RIMS3: variants seen among roughly 807,000 people sequenced by gnomAD.
The protein encoded by RIMS3 is regulating synaptic membrane exocytosis protein 3.
A neutral mutation model predicts 29.2 loss-of-function variants in RIMS3; 15 were observed. That is an observed-to-expected ratio of 0.51 (90% CI 0.34 to 0.79). The LOEUF (loss-of-function observed/expected upper bound fraction) is 0.79, where lower values mean the gene tolerates loss of function less well. Among genes scored for constraint, RIMS3 ranks in the 30% least tolerant of loss-of-function variants. RIMS3 has a pLI of 0.01. For synonymous variants in RIMS3, 161 were observed against 170.1 expected (o/e 0.95, Z 0.41); for missense variants, 342 against 421.4 (o/e 0.81, Z 1.65).
chr1:40,683,050 TTC>T, the RIMS3 span, among the ~76,000 whole-genome samples: 1 of 152,082 alleles, frequency 6.6e-6, no homozygotes, highest in Non-Finnish European at 1.5e-5. Context: ...TTTTGTCTCT[TTC>T]TCTCTTTGTG....
chr1:40,644,259 A>C (rs533776344), intron 2 of RIMS3, among the ~76,000 whole-genome samples: 40 of 152,348 alleles, frequency 2.6e-4, no homozygotes, highest in African/African-American at 9.6e-4. Context: ...AGCCAGTTTG[A>C]ATCAGAGTTC....
At chr1:40,681,809 G>C in the RIMS3 span, among the ~76,000 whole-genome samples, 4 of 152,272 alleles carry the variant, frequency 2.6e-5, no homozygotes, top group Admixed American at 6.5e-5. Flanking sequence ...TCTCAATACA[G>C]GGTTTTCTCC....
chr1:40,657,224 G>C (rs1379200408), intron 1 of RIMS3, among the ~76,000 whole-genome samples: 2 of 152,130 alleles, frequency 1.3e-5, no homozygotes, highest in African/African-American at 4.8e-5. Flanking sequence ...GAGACTTGAC[G>C]TCCACCCAGA....
Position 40,636,892 on chromosome 1 carries a change from A to G in RIMS3, c.218-835T>C, listed in dbSNP as rs1263224571. Among the ~76,000 whole-genome samples, 3 of 151,840 alleles carry G rather than the reference A, an allele frequency of 2.0e-5. No homozygotes were observed. The highest frequency in any genetic ancestry group is 4.4e-5 in the Non-Finnish European group (3 of 67,960). On this transcript the variant is annotated intron_variant, in intron 3 of 7. Coordinates refer to ENST00000372684, the MANE Select transcript of RIMS3 (RefSeq NM_014747.3). This position sits in a 1 kb window ranked among gnomAD's most constrained non-coding sequence, Gnocchi z 4.2. ...CCATCCTGCCTGGGTTTCCATGGCAACCTCCTCGGCATTGCAGTGTGGTCC... is the reference window on the plus strand; with the variant it reads ...CCATCCTGCCTGGGTTTCCATGGCAGCCTCCTCGGCATTGCAGTGTGGTCC...
At position 40,626,455 on chromosome 1, in the gene RIMS3, G is replaced by A. The variant is rs1456820963; in HGVS notation, c.*62C>T. The A allele has an allele frequency of 7.1e-6, 10 of 1,407,970 alleles. No homozygotes were observed. In the Admixed American group the frequency reaches 1.6e-4, roughly 22 times the overall value. 87.2% of individuals were successfully genotyped at this position (1,407,970 alleles called of 1,614,324 possible). ...AAAGACACGAAGACTATGTACAGGG[G>A]AGGACATGGGGCCAGCAGGCACCCC... On this transcript the variant is annotated 3_prime_UTR_variant, in exon 8 of 8. Transcript: ENST00000372684.
chr1:40,663,097 C>T (rs1642374767), intron 1 of RIMS3, among the ~76,000 whole-genome samples: 1 of 152,100 alleles, frequency 6.6e-6, no homozygotes, highest in Admixed American at 6.5e-5. Context: ...AGGAGACAGC[C>T]CCACTGTCAG....
At chr1:40,676,464 T>C in the RIMS3 span, among the ~76,000 whole-genome samples, 1 of 152,218 alleles carries the variant, frequency 6.6e-6, no homozygotes, top group South Asian at 2.1e-4. Context: ...GACCCGCTGA[T>C]ACAATTCGAC....
At chr1:40,645,494 A>G (rs1319175181) in intron 2 of RIMS3, among the ~76,000 whole-genome samples, 2 of 152,156 alleles carry the variant, frequency 1.3e-5, no homozygotes, top group Non-Finnish European at 2.9e-5. Flanking sequence ...TCAACCAAAA[A>G]TGGAGGCCCG....
At chr1:40,656,405 T>C (rs1642273690) in intron 1 of RIMS3, among the ~76,000 whole-genome samples, 1 of 152,222 alleles carries the variant, frequency 6.6e-6, no homozygotes, top group African/African-American at 2.4e-5. Context: ...GTTTTAGCTA[T>C]ATGGAGTTGC....
chr1:40,644,636 C>G (rs541073562), intron 2 of RIMS3, among the ~76,000 whole-genome samples: 1 of 152,206 alleles, frequency 6.6e-6, no homozygotes, highest in Admixed American at 6.5e-5. Flanking sequence ...CTGTTTTTAA[C>G]AGAGCTGGGA....
the RIMS3 span, chr1:40,691,537 G>A: frequency 3.4e-6 from 1 of 297,494 alleles, no homozygotes; most frequent in Non-Finnish European, 6.7e-6. Flanking sequence ...CTCAGATCTC[G>A]AGCTCCCGAA....
At chr1:40,632,824 T>C (rs1646497908) in intron 5 of RIMS3, among the ~76,000 whole-genome samples, 1 of 152,102 alleles carries the variant, frequency 6.6e-6, no homozygotes, top group Non-Finnish European at 1.5e-5. Context: ...TTGAAATACC[T>C]CATGCAAAGC....
upstream of RIMS3, among the ~76,000 whole-genome samples, chr1:40,670,220 C>T (rs1020135269): frequency 2.0e-5 from 3 of 151,964 alleles, no homozygotes; most frequent in African/African-American, 7.3e-5. Flanking sequence ...TAATTATGAG[C>T]AAAACATGGA....
At chr1:40,658,849 TGTAA>T (rs1033935862) in intron 1 of RIMS3, among the ~76,000 whole-genome samples, 2 of 152,240 alleles carry the variant, frequency 1.3e-5, no homozygotes, top group Admixed American at 1.3e-4. Context: ...CTTCTGTCCT[TGTAA>T]TAAGCCCTTC....
chr1:40,652,907 C>T (rs1052403476), intron 1 of RIMS3, among the ~76,000 whole-genome samples: 9 of 152,174 alleles, frequency 5.9e-5, no homozygotes, highest in South Asian at 4.2e-4. Flanking sequence ...GAAGAGGAAA[C>T]GGGGCCAGGA....
At chr1:40,690,788 G>T in the RIMS3 span, 1 of 152,196 alleles carries the variant, frequency 6.6e-6, no homozygotes, top group Non-Finnish European at 1.5e-5. Flanking sequence ...TCTCAGAAAG[G>T]CTCCAGTGTC....
chr1:40,633,128 A>G lies in RIMS3; in HGVS notation c.413T>C (p.Leu138Pro), dbSNP rs1322021652. 6.2e-7 allele frequency: 1 copy of G among 1,614,076 alleles called. No homozygotes were observed. The highest frequency in any genetic ancestry group is 1.3e-5 in the African/African-American group (1 of 74,940). ...LGAESQFSDF[L>P]DGLGPAQIVG... ...AATCTGAGCTGGTCCCAGCCCATCC[A>G]GGAAATCGCTGAACTGGCTTTCAGC... Residue 138 changes from leucine to proline, a missense_variant, in exon 5 of 8, where the codon CTG becomes CCG. Leu to Pro is a moderately conservative substitution (Grantham distance 98, BLOSUM62 -3). Coordinates refer to ENST00000372684, the MANE Select transcript of RIMS3 (RefSeq NM_014747.3).
chr1:40,626,808 T>C, intron 7 of RIMS3, 79 bp from the exon 8 acceptor site: 1 of 1,325,632 alleles, frequency 7.5e-7, no homozygotes, highest in African/African-American at 1.4e-5. Context: ...AACCTACACG[T>C]TTCAGCAGGG....
rs1646452720 is a variant in RIMS3, at chr1:40,626,260, T to A, written c.*257A>T. On this transcript the variant is annotated 3_prime_UTR_variant, in exon 8 of 8. Coordinates refer to ENST00000372684, the MANE Select transcript of RIMS3 (RefSeq NM_014747.3). ...AAGACACAAAGAGACGTGGAGACAT[T>A]TCAGCCCATATCATCACCAGGAGTG... The A allele has an allele frequency of 1.8e-6, 1 of 553,766 alleles. No individual in the cohort carries two copies. The highest frequency in any genetic ancestry group is 3.3e-6 in the Non-Finnish European group (1 of 306,350). The allele number at this position is 553,766 out of a possible 1,614,324, so 34.3% of individuals were successfully genotyped here.
Sources: allele counts gnomAD v4.1 joint callset (sites outside exome capture counted in the v4.1 genomes callset), GRCh38; gene constraint gnomAD v4.1.1; non-coding constraint Gnocchi (gnomAD v3.1); transcripts MANE v1.5; gene names NCBI Gene and HGNC (gene_info 2026-07-23, HGNC 2026-07-21).